RAB35: variants seen among roughly 807,000 people sequenced by gnomAD.
RAB35 encodes ras-related protein Rab-35.
RAB35 carries 4 observed loss-of-function variants against 28.9 expected under a neutral mutation model. That is an observed-to-expected ratio of 0.14 (90% confidence interval 0.07 to 0.32). The LOEUF is 0.32. RAB35 is among the 10% of genes least tolerant of loss of function. The probability of loss-of-function intolerance (pLI) is 1.00; values close to 1 mark genes in which losing one functional copy is unlikely to be tolerated. For missense variants in RAB35, 128 were observed against 274.0 expected, an observed-to-expected ratio of 0.47 and a Z score of 3.76; for synonymous variants, 99 against 105.1, an observed-to-expected ratio of 0.94 and a Z score of 0.35.
rs76818768 is a variant in RAB35, at chr12:120,107,929, G to A, written c.103+488C>T. Among the ~76,000 whole-genome samples the A allele has an allele frequency of 2.8e-3, 419 of 147,676 alleles. 2 individuals carry two copies. Among genetic ancestry groups the A allele is most frequent in the African/African-American group, 8.4e-3 (336 of 39,846 alleles). ...CCTATATCCCAAGTAGCTAAGCATCGCTGAAAACACAACCAGAAGTCAGGC... is the reference window on the plus strand; with the variant it reads ...CCTATATCCCAAGTAGCTAAGCATCACTGAAAACACAACCAGAAGTCAGGC... On this transcript the variant is annotated intron_variant, in intron 2 of 5. Transcript: ENST00000229340.
At position 120,097,316 on chromosome 12, in the gene RAB35, G is replaced by C. The variant is rs1216310108; in HGVS notation, c.535C>G (p.Gln179Glu). The C allele has an allele frequency of 6.2e-7, 1 of 1,613,752 alleles. No homozygotes were observed. Among genetic ancestry groups the C allele is most frequent in the Admixed American group, 1.7e-5 (1 of 60,032 alleles). ...ACATCGTTCTGTTGTTGCTGCTGCTGTTTTGCCAGGTTGTCTTTCTTTGCT... is the reference window on the plus strand; with the variant it reads ...ACATCGTTCTGTTGTTGCTGCTGCTCTTTTGCCAGGTTGTCTTTCTTTGCT... The part of the protein sequence containing the change: ...LRAKKDNLAK[Q>E]QQQQQNDVVK... The change falls in exon 6 of 6, where the codon CAG becomes GAG. Residue 179 changes from glutamine (Q) to glutamate (E), a missense_variant. Transcript: ENST00000229340.
chr12:120,110,181 A>G (rs1447949074), intron 1 of RAB35, among the ~76,000 whole-genome samples: 3 of 151,782 alleles, frequency 2.0e-5, no homozygotes, highest in African/African-American at 7.3e-5. Flanking sequence ...GGGCTCCAAC[A>G]TCTCACTCCT....
intron 1 of RAB35, among the ~76,000 whole-genome samples, chr12:120,108,933 G>A (rs1309869367): frequency 1.3e-5 from 2 of 152,240 alleles, no homozygotes; most frequent in Admixed American, 1.3e-4. Context: ...GATCATCAGG[G>A]CTATTTTGCA....
rs544853667 is a variant in RAB35, at chr12:120,112,929, C to A, written c.52+3670G>T. ...TTTTGAGATGAAGTCTCGCTCTTGT[C>A]CCCCAGGCTGGAGTACAGTGGCACG... On this transcript the variant is annotated intron_variant, in intron 1 of 5. Transcript: ENST00000229340. Among the ~76,000 whole-genome samples the A allele has an allele frequency of 6.7e-5, 10 of 148,974 alleles. No homozygotes were observed. The South Asian group carries it at 8.5e-4, about 13-fold the overall frequency.
Position 120,103,144 on chromosome 12 carries a change from C to T in RAB35, c.227+682G>A, listed in dbSNP as rs1400326129. The stretch of plus-strand genomic sequence containing the variant: ...GACACACAGCCCAACAGCTCCAAAT[C>T]GGCCCCTTCAGACCCTGCTCTTTCC... On this transcript the variant is annotated intron_variant, in intron 3 of 5. Coordinates refer to ENST00000229340, the MANE Select transcript of RAB35 (RefSeq NM_006861.7). This position sits in a 1 kb window ranked among gnomAD's most constrained non-coding sequence, Gnocchi z 6.1. Among the ~76,000 whole-genome samples the T allele has an allele frequency of 2.0e-5, 3 of 152,218 alleles. No individual in the cohort carries two copies. Among genetic ancestry groups the T allele is most frequent in the Non-Finnish European group, 2.9e-5 (2 of 68,048 alleles).
chr12:120,115,033 G>C (rs115560473), intron 1 of RAB35, among the ~76,000 whole-genome samples: 1 of 152,162 alleles, frequency 6.6e-6, no homozygotes, highest in Admixed American at 6.5e-5. Context: ...ATCTCCAAGA[G>C]AACACTCCAG....
chr12:120,098,717 T>A (rs2139047855), intron 5 of RAB35, 94 bp downstream of exon 5: 1 of 1,544,334 alleles, frequency 6.5e-7, no homozygotes. Context: ...ACTATGACAT[T>A]TTCTGTTGGT....
At chr12:120,107,866 C>CA (rs57274207) in intron 2 of RAB35, among the ~76,000 whole-genome samples, 869 of 31,582 alleles carry the variant, frequency 0.028, 21 homozygotes, top group East Asian at 0.055. Context: ...GACTCCATCT[C>CA]AAAAAAAAAA....
intron 2 of RAB35, among the ~76,000 whole-genome samples, chr12:120,105,806 C>T (rs1875846240): frequency 1.3e-5 from 2 of 151,654 alleles, no homozygotes; most frequent in Admixed American, 1.3e-4. Flanking sequence ...ACCTGTGGTC[C>T]CAGCTACTTG....
At chr12:120,110,290 A>ATTTGTTTTTTTTTTTTTTTTTTTTTT (rs1876062147) in intron 1 of RAB35, among the ~76,000 whole-genome samples, 1 of 88,596 alleles carries the variant, frequency 1.1e-5, no homozygotes, top group African/African-American at 5.0e-5. Context: ...AGCCCACAGC[A>ATTTGTTTTTTTTTTTTTTTTTTTTTT]TTTTTTTTTT....
Position 120,097,077 on chromosome 12 carries a change from A to T in RAB35, c.*168T>A. On this transcript the variant is annotated 3_prime_UTR_variant, in exon 6 of 6. Coordinates refer to ENST00000229340, the MANE Select transcript of RAB35 (RefSeq NM_006861.7). ...CGGGCTGGTCCAACACCTTCTTGGC[A>T]CTCGAGGAGGGCGGGGGAGGAAGTG... 6.5e-7 allele frequency: 1 copy of T among 1,547,052 alleles called. No homozygotes were observed. Among genetic ancestry groups the T allele is most frequent in the Non-Finnish European group, 8.7e-7 (1 of 1,151,930 alleles).
intron 3 of RAB35, among the ~76,000 whole-genome samples, chr12:120,100,153 AG>A (rs1875602372): frequency 6.6e-6 from 1 of 152,184 alleles, no homozygotes; most frequent in Non-Finnish European, 1.5e-5. Context: ...GCCCCAGTTC[AG>A]GAACAGCCCA....
intron 3 of RAB35, among the ~76,000 whole-genome samples, chr12:120,100,341 A>G (rs1014444138): frequency 3.3e-5 from 5 of 152,252 alleles, no homozygotes; most frequent in Non-Finnish European, 7.3e-5. Context: ...AGGTGCCTGC[A>G]TTCACCCTGC....
At position 120,097,046 on chromosome 12, in the gene RAB35, G is replaced by C. The variant is rs534572274; in HGVS notation, c.*199C>G. ...CCGGGGAGGAGGGGGCACCAGTAGG[G>C]AAGGGCGGGCTGGTCCAACACCTTC... On this transcript the variant is annotated 3_prime_UTR_variant, in exon 6 of 6. Coordinates refer to ENST00000229340, the MANE Select transcript of RAB35 (RefSeq NM_006861.7). 1 of 1,526,296 alleles carries C rather than the reference G, an allele frequency of 6.6e-7. No individual in the cohort carries two copies. Among genetic ancestry groups the C allele is most frequent in the East Asian group, 2.5e-5 (1 of 40,074 alleles). 94.5% of individuals were successfully genotyped at this position (1,526,296 alleles called of 1,614,324 possible). A position where few individuals can be genotyped will look rare whatever the true frequency, so the allele number is the denominator to read the frequency against.
intron 1 of RAB35, 26 bp from the exon 2 acceptor site, chr12:120,108,493 A>AG (rs757400097): frequency 6.2e-7 from 1 of 1,611,086 alleles, no homozygotes; most frequent in Non-Finnish European, 8.5e-7. Flanking sequence ...CACTGCGATG[A>AG]GGGGGGCAGG....
intron 1 of RAB35, among the ~76,000 whole-genome samples, chr12:120,109,143 C>T (rs541888951): frequency 1.3e-5 from 2 of 152,206 alleles, no homozygotes; most frequent in African/African-American, 4.8e-5. Context: ...TGGCCTCCCC[C>T]ACTTTTTTTG....
At chr12:120,109,651 C>A (rs1243991976) in intron 1 of RAB35, among the ~76,000 whole-genome samples, 1 of 149,300 alleles carries the variant, frequency 6.7e-6, no homozygotes, top group African/African-American at 2.5e-5. Context: ...GGCTACGTTG[C>A]CCAGGCTTTT....
chr12:120,100,367 C>T (rs1457031930), intron 3 of RAB35, among the ~76,000 whole-genome samples: 1 of 152,258 alleles, frequency 6.6e-6, no homozygotes, highest in African/African-American at 2.4e-5. Flanking sequence ...CTTGCAGCTT[C>T]AACAGTTATA....
chr12:120,099,241 A>G (rs1875561984), intron 3 of RAB35, 87 bp from the exon 4 acceptor site: 1 of 1,554,986 alleles, frequency 6.4e-7, no homozygotes, highest in Admixed American at 1.7e-5. Context: ...CAGGACACTG[A>G]CCCGGAAAAG....
Sources: allele counts gnomAD v4.1 joint callset (sites outside exome capture counted in the v4.1 genomes callset), GRCh38; gene constraint gnomAD v4.1.1; non-coding constraint Gnocchi (gnomAD v3.1); transcripts MANE v1.5; gene names NCBI Gene and HGNC (gene_info 2026-07-23, HGNC 2026-07-21).